The following FER variants were observed in gnomAD, a reference collection of about 807,000 sequenced individuals.
FER encodes the protein tyrosine-protein kinase Fer.
Under a neutral mutation model 111.0 loss-of-function variants are expected in FER, and 63 were observed. That is an observed-to-expected ratio of 0.57 (90% confidence interval 0.46 to 0.70). The LOEUF is 0.70. FER is among the 30% of genes least tolerant of loss of function. FER has a pLI of 0.00. For synonymous variants in FER, 327 were observed against 313.9 expected (o/e 1.04, Z -0.44); for missense variants, 914 against 954.0 (o/e 0.96, Z 0.55).
intron 1 of FER, among the ~76,000 whole-genome samples, chr5:108,767,137 G>A (rs1752408409): frequency 6.6e-6 from 1 of 151,948 alleles, no homozygotes; most frequent in Non-Finnish European, 1.5e-5. Context: ...AACCCTGTCT[G>A]TACTAAAAAT....
At position 109,052,342 on chromosome 5, in the gene FER, G is replaced by T; in HGVS notation, c.1924+5144G>T. ...ATCTCCCCAGGCTGACTCAACCACT[G>T]TCTTCAGCAGCAGGATTTGGAAAAT... On this transcript the variant is annotated intron_variant, in intron 16 of 19. Coordinates refer to ENST00000281092, the MANE Select transcript of FER (RefSeq NM_005246.4). The T allele has an allele frequency of 2.5e-6, 4 of 1,593,346 alleles. No homozygotes were observed. The South Asian group carries it at 4.4e-5, about 18-fold the overall frequency.
intron 16 of FER, among the ~76,000 whole-genome samples, chr5:109,063,087 A>G (rs1774634225): frequency 6.6e-6 from 1 of 151,366 alleles, no homozygotes; most frequent in East Asian, 1.9e-4. Flanking sequence ...AGGCTTAGAA[A>G]TCTAGACATG....
chr5:109,064,265 T>C (rs1460531318), intron 16 of FER, among the ~76,000 whole-genome samples: 1 of 152,172 alleles, frequency 6.6e-6, no homozygotes, highest in Non-Finnish European at 1.5e-5. Context: ...TCCACATGTG[T>C]GGTATTGACC....
chr5:109,112,370 G>A (rs1442592224), intron 17 of FER, among the ~76,000 whole-genome samples: 1 of 152,124 alleles, frequency 6.6e-6, no homozygotes, highest in Non-Finnish European at 1.5e-5. Context: ...TGTAGATGGT[G>A]ATCATTATTC....
intron 17 of FER, among the ~76,000 whole-genome samples, chr5:109,112,250 G>T (rs891630366): frequency 3.9e-5 from 6 of 152,084 alleles, no homozygotes; most frequent in African/African-American, 1.4e-4. Flanking sequence ...TGTAGATGAA[G>T]AGGGAGTTAG....
chr5:109,020,412 C>G (rs954663513), intron 13 of FER, among the ~76,000 whole-genome samples: 8 of 151,960 alleles, frequency 5.3e-5, no homozygotes, highest in Non-Finnish European at 1.0e-4. Flanking sequence ...AAAGAATCTT[C>G]TAAAACTCAA....
chr5:108,892,443 C>T (rs1243180333), intron 9 of FER, among the ~76,000 whole-genome samples: 12 of 152,058 alleles, frequency 7.9e-5, no homozygotes, highest in Admixed American at 4.6e-4. Context: ...TTTCATGTGT[C>T]TTTTGGCTGC....
chr5:108,883,438 G>A lies in FER; in HGVS notation c.966G>A (p.Met322Ile), dbSNP rs145208291. Residue 322 changes from methionine (M) to isoleucine (I), a missense_variant, in exon 9 of 20, where the codon ATG (methionine) becomes ATA (isoleucine). Transcript: ENST00000281092. ...AAGAACTTATGCAAACACAGCAGATGCTTTTAAACAAGGAGGAGGCTGTTT... is the reference window on the plus strand; with the variant it reads ...AAGAACTTATGCAAACACAGCAGATACTTTTAAACAAGGAGGAGGCTGTTT... Reference protein sequence around the residue: ...LAEELMQTQQMLLNKEEAVLE... With the variant: ...LAEELMQTQQILLNKEEAVLE... 6.2e-7 allele frequency: 1 copy of A among 1,608,940 alleles called. No individual in the cohort carries two copies. Among genetic ancestry groups the A allele is most frequent in the Non-Finnish European group, 8.5e-7 (1 of 1,176,752 alleles).
intron 13 of FER, among the ~76,000 whole-genome samples, chr5:108,966,372 ACTTC>A (rs1759821203): frequency 6.7e-6 from 1 of 149,032 alleles, no homozygotes; most frequent in African/African-American, 2.5e-5. Flanking sequence ...TATTTATTAT[ACTTC>A]CTTTTTCTTT....
intron 2 of FER, among the ~76,000 whole-genome samples, chr5:108,786,372 A>G (rs1754716332): frequency 6.6e-6 from 1 of 152,046 alleles, no homozygotes; most frequent in Non-Finnish European, 1.5e-5. Flanking sequence ...GGATTTTGTT[A>G]ACTTTTCTTT....
intron 17 of FER, among the ~76,000 whole-genome samples, chr5:109,155,693 G>C (rs1350514281): frequency 1.3e-5 from 2 of 151,964 alleles, no homozygotes; most frequent in African/African-American, 4.8e-5. Flanking sequence ...CTTTATACCA[G>C]AGAGCTTGAT....
chr5:108,755,303 A>G (rs1211975355), intron 1 of FER, among the ~76,000 whole-genome samples: 3 of 152,076 alleles, frequency 2.0e-5, no homozygotes, highest in Non-Finnish European at 4.4e-5. Flanking sequence ...GCTTTTCTGT[A>G]TGCTTCTGTT....
chr5:109,031,394 T>C (rs1213093731), intron 13 of FER, among the ~76,000 whole-genome samples: 1 of 152,208 alleles, frequency 6.6e-6, no homozygotes, highest in Non-Finnish European at 1.5e-5. Flanking sequence ...ATTATGCTTC[T>C]AGAACTTGTC....
chr5:108,971,353 T>G (rs1372795295), intron 13 of FER, among the ~76,000 whole-genome samples: 2 of 150,746 alleles, frequency 1.3e-5, no homozygotes, highest in African/African-American at 4.9e-5. Flanking sequence ...ATGGTAGGAA[T>G]TCAGAAATAG....
At chr5:109,176,668 A>T (rs1757725100) in intron 17 of FER, among the ~76,000 whole-genome samples, 1 of 152,214 alleles carries the variant, frequency 6.6e-6, no homozygotes, top group South Asian at 2.1e-4. Flanking sequence ...GAGATGATAG[A>T]TATGCTCATT....
chr5:108,872,021 C>G, intron 7 of FER, 72 bp from the exon 8 acceptor site: 1 of 1,390,842 alleles, frequency 7.2e-7, no homozygotes, highest in Non-Finnish European at 9.7e-7. Context: ...AATATTCTGC[C>G]TTTAGTGTAT....
intron 17 of FER, among the ~76,000 whole-genome samples, chr5:109,152,643 G>A (rs1229862316): frequency 6.6e-6 from 1 of 151,898 alleles, no homozygotes; most frequent in African/African-American, 2.4e-5. Context: ...GATACGTACT[G>A]AATTGCAAGT....
intron 3 of FER, among the ~76,000 whole-genome samples, chr5:108,809,973 A>G (rs1399016766): frequency 3.9e-5 from 6 of 152,154 alleles, no homozygotes; most frequent in Non-Finnish European, 7.3e-5. Flanking sequence ...CATTTTTCAT[A>G]GTGCCAGAAT....
intron 13 of FER, among the ~76,000 whole-genome samples, chr5:108,973,267 C>T (rs1013428514): frequency 2.0e-5 from 3 of 152,124 alleles, no homozygotes; most frequent in Admixed American, 2.0e-4. Context: ...CCTTCTGCTA[C>T]CTTGTCCTTC....
Sources: allele counts gnomAD v4.1 joint callset (sites outside exome capture counted in the v4.1 genomes callset), GRCh38; gene constraint gnomAD v4.1.1; transcripts MANE v1.5; gene names NCBI Gene and HGNC (gene_info 2026-07-23, HGNC 2026-07-21).